The following EML5 variants were observed in gnomAD, a reference collection of about 807,000 sequenced individuals.
EML5 encodes echinoderm microtubule-associated protein-like 5.
In EML5, 120 loss-of-function variants were observed where a neutral mutation model predicts 250.0. The observed-to-expected ratio is 0.48, with a 90% CI of 0.41 to 0.56. The LOEUF (loss-of-function observed/expected upper bound fraction) is 0.56. Among genes scored for constraint, EML5 ranks in the 20% least tolerant of loss-of-function variants. The pLI is 0.00. For synonymous variants in EML5, 771 were observed against 806.5 expected, an observed-to-expected ratio of 0.96 and a Z score of 0.75; for missense variants, 2,006 against 2,437.6, an observed-to-expected ratio of 0.82 and a Z score of 3.73.
chr14:88,663,408 G>C (rs1207837274), intron 23 of EML5, among the ~76,000 whole-genome samples: 1 of 151,978 alleles, frequency 6.6e-6, no homozygotes, highest in Admixed American at 6.6e-5. Flanking sequence ...TTTTTAAAGT[G>C]TATCTGTTTA....
intron 20 of EML5, 135 bp downstream of exon 20, chr14:88,684,878 AAT>A: frequency 1.3e-6 from 1 of 774,750 alleles, no homozygotes; most frequent in Non-Finnish European, 1.8e-6. Flanking sequence ...GTATACATTA[AAT>A]TTTTTTTCTG....
At chr14:88,643,847 G>A (rs2091204968) in intron 30 of EML5, among the ~76,000 whole-genome samples, 1 of 152,186 alleles carries the variant, frequency 6.6e-6, no homozygotes, top group South Asian at 2.1e-4. Flanking sequence ...ACTAGGTTGG[G>A]GAGGGAACGA....
chr14:88,616,678 A>G (rs1472074791), intron 42 of EML5, 48 bp downstream of exon 42: 1 of 1,548,290 alleles, frequency 6.5e-7, no homozygotes, highest in South Asian at 1.2e-5. Flanking sequence ...ATGATAAGAC[A>G]TCAAAATTAG....
chr14:88,664,076 G>A (rs2092226830), intron 23 of EML5, among the ~76,000 whole-genome samples: 2 of 151,410 alleles, frequency 1.3e-5, no homozygotes, highest in East Asian at 2.0e-4. Flanking sequence ...CCAGGAGTTC[G>A]GGACCAGCCT....
intron 27 of EML5, among the ~76,000 whole-genome samples, chr14:88,655,081 T>A (rs1266473052): frequency 6.6e-6 from 1 of 151,908 alleles, no homozygotes; most frequent in African/African-American, 2.4e-5. Flanking sequence ...GATTCAATGC[T>A]ATCCCCATCA....
intron 1 of EML5, among the ~76,000 whole-genome samples, chr14:88,766,713 C>T (rs1179226921): frequency 6.6e-6 from 1 of 152,134 alleles, no homozygotes; most frequent in African/African-American, 2.4e-5. Flanking sequence ...TTCGTACACT[C>T]CCTCCCCTTT....
intron 30 of EML5, 75 bp downstream of exon 30, chr14:88,644,358 T>C: frequency 7.4e-7 from 1 of 1,350,474 alleles, no homozygotes; most frequent in Non-Finnish European, 1.0e-6. Context: ...TGAAAACTAA[T>C]GACAAAACTT....
intron 37 of EML5, chr14:88,621,874 G>A (rs1339474642): frequency 4.4e-6 from 2 of 456,024 alleles, no homozygotes; most frequent in African/African-American, 4.0e-5. Flanking sequence ...TCTTTGTGAT[G>A]GAAACTTTCA....
intron 10 of EML5, among the ~76,000 whole-genome samples, chr14:88,708,199 C>T (rs1035068810): frequency 4.7e-4 from 72 of 152,082 alleles, no homozygotes; most frequent in African/African-American, 1.7e-3. Context: ...TTTTTAATAA[C>T]CAGTTTAATT....
At chr14:88,671,497 T>C (rs908753836) in intron 21 of EML5, among the ~76,000 whole-genome samples, 2 of 152,148 alleles carry the variant, frequency 1.3e-5, no homozygotes, top group African/African-American at 4.8e-5. Context: ...CTACATTAAG[T>C]GTGCAACATA....
chr14:88,759,758 A>T (rs1284320765), intron 1 of EML5, among the ~76,000 whole-genome samples: 1 of 151,688 alleles, frequency 6.6e-6, no homozygotes, highest in Non-Finnish European at 1.5e-5. Flanking sequence ...ATCTTCATAC[A>T]ATAGAACAGA....
intron 32 of EML5, among the ~76,000 whole-genome samples, chr14:88,636,994 A>C (rs766481541): frequency 1.3e-5 from 2 of 152,244 alleles, no homozygotes; most frequent in Admixed American, 6.5e-5. Flanking sequence ...TGGCTAAAAT[A>C]GTACAAAATC....
At chr14:88,624,865 C>A in intron 36 of EML5, 105 bp downstream of exon 36, 8 of 1,225,090 alleles carry the variant, frequency 6.5e-6, no homozygotes, top group Non-Finnish European at 9.0e-6. Flanking sequence ...GGAGGAAGGT[C>A]GGAGAGGACA....
At chr14:88,690,989 C>T (rs1044342197) in intron 17 of EML5, among the ~76,000 whole-genome samples, 4 of 152,218 alleles carry the variant, frequency 2.6e-5, no homozygotes, top group Non-Finnish European at 5.9e-5. Context: ...GTTTACTTCT[C>T]TGCACCCAGG....
At chr14:88,640,523 A>T (rs1028215192) in intron 31 of EML5, among the ~76,000 whole-genome samples, 1 of 152,216 alleles carries the variant, frequency 6.6e-6, no homozygotes, top group Non-Finnish European at 1.5e-5. Flanking sequence ...GAGACACAAC[A>T]TACCAAAATC....
At chr14:88,697,902 A>C (rs1363134870) in intron 14 of EML5, among the ~76,000 whole-genome samples, 5 of 151,648 alleles carry the variant, frequency 3.3e-5, no homozygotes, top group Admixed American at 2.6e-4. Flanking sequence ...CACCCAGCTA[A>C]TTTTTTGTAT....
rs2092691153 is a variant in EML5 at position 88,680,342 on chromosome 14, A to G, written c.3124+1548T>C. Among the ~76,000 whole-genome samples, 5 of 152,256 alleles carry G rather than the reference A, an allele frequency of 3.3e-5. No homozygotes were observed. In the South Asian group the frequency reaches 1.0e-3, roughly 32 times the overall value. ...AAAAAACAGAGAAACCTTTTTTTTA[A>G]AATGTGTCTGGCAATAAAGACTTTA... On this transcript the variant is annotated intron_variant, in intron 21 of 43. Transcript: ENST00000554922.
At chr14:88,759,443 G>A (rs986687176) in intron 1 of EML5, among the ~76,000 whole-genome samples, 4 of 151,922 alleles carry the variant, frequency 2.6e-5, no homozygotes, top group African/African-American at 9.7e-5. Context: ...CAGTGCTTTG[G>A]GAGGCTGAGG....
intron 9 of EML5, among the ~76,000 whole-genome samples, chr14:88,714,591 T>C (rs1424809055): frequency 6.6e-6 from 1 of 152,162 alleles, no homozygotes; most frequent in African/African-American, 2.4e-5. Context: ...AAGTGGCAGA[T>C]ACATCATTTA....
Sources: allele counts gnomAD v4.1 joint callset (sites outside exome capture counted in the v4.1 genomes callset), GRCh38; gene constraint gnomAD v4.1.1; transcripts MANE v1.5; gene names NCBI Gene and HGNC (gene_info 2026-07-23, HGNC 2026-07-21).